SYNJ2: variants seen among roughly 807,000 people sequenced by gnomAD.
SYNJ2 encodes polyphosphatidylinositol phosphatase SYNJ2.
In SYNJ2, 116 loss-of-function variants were observed where a neutral mutation model predicts 141.3. That is an observed-to-expected ratio of 0.82 (90% CI 0.71 to 0.96). The LOEUF is 0.96. Ranked by LOEUF, SYNJ2 falls within the 40% of genes least tolerant of loss-of-function variation. The pLI is 0.00. For missense variants in SYNJ2, 1,873 were observed against 1,934.8 expected (o/e 0.97, Z 0.60); for synonymous variants, 745 against 777.7 (o/e 0.96, Z 0.70).
chr6:158,095,486 T>A, intron 26 of SYNJ2, 132 bp from the exon 27 acceptor site: 1 of 1,227,572 alleles, frequency 8.1e-7, no homozygotes, highest in South Asian at 1.7e-5. Context: ...ACCCCACACA[T>A]TCTCAAATCT....
chr6:158,014,539 C>T (rs570963833), intron 1 of SYNJ2, among the ~76,000 whole-genome samples: 5 of 152,332 alleles, frequency 3.3e-5, no homozygotes, highest in South Asian at 4.1e-4. Context: ...GGTGTATTTT[C>T]AAGTTGTTGG....
chr6:158,030,342 C>T lies in SYNJ2; in HGVS notation c.485+1316C>T, dbSNP rs577387632. ...TGCCTTTTGAAGCTATATCAGTTTT[C>T]CCAGCTCTGAGACGGGACTCGTGAG... On this transcript the variant is annotated intron_variant, in intron 3 of 26. Transcript: ENST00000355585. 14 of 152,750 alleles carry T rather than the reference C, an allele frequency of 9.2e-5. No homozygotes were observed. The South Asian group carries it at 2.7e-3, about 29-fold the overall frequency. 9.5% of individuals were successfully genotyped at this position (152,750 alleles called of 1,614,324 possible).
chr6:158,080,943 C>T (rs919970946), intron 18 of SYNJ2, among the ~76,000 whole-genome samples, 166 bp from the exon 19 acceptor site: 11 of 152,220 alleles, frequency 7.2e-5, no homozygotes, highest in African/African-American at 1.9e-4. Context: ...TGGCCACATT[C>T]GCAGGTTGTT....
intron 11 of SYNJ2, 35 bp downstream of exon 11, chr6:158,065,026 G>A: frequency 1.3e-6 from 2 of 1,492,796 alleles, no homozygotes; most frequent in Non-Finnish European, 1.8e-6. Flanking sequence ...AGGCAGGGAG[G>A]TAGGGTGCTC....
rs554242445 is a variant in SYNJ2 at position 158,040,007 on chromosome 6, C to T, written c.712-3309C>T. ...GGACCGGACCAGGAGCAGACTGGCT[C>T]CCTGTGGTGGGGACTCTTGGCAGGC... On this transcript the variant is annotated intron_variant, in intron 4 of 26. Coordinates refer to ENST00000355585, the MANE Select transcript of SYNJ2 (RefSeq NM_003898.4). The surrounding 1 kb of genome is among the most constrained non-coding windows in gnomAD (Gnocchi z 4.2). Among the ~76,000 whole-genome samples, 78 of 152,284 alleles carry T rather than the reference C, an allele frequency of 5.1e-4. No individual in the cohort carries two copies. The highest frequency in any genetic ancestry group is 1.8e-3 in the African/African-American group (76 of 41,556).
At position 158,039,907 on chromosome 6, in the gene SYNJ2, C is replaced by G. The variant is rs534252428; in HGVS notation, c.712-3409C>G. On this transcript the variant is annotated intron_variant, in intron 4 of 26. Coordinates refer to ENST00000355585, the MANE Select transcript of SYNJ2 (RefSeq NM_003898.4). ...TGCAGAGGAAACAGGATCCACCAGC[C>G]AGGCCCGCTGACCATTTGGAAGTGG... Among the ~76,000 whole-genome samples the G allele has an allele frequency of 8.5e-5, 13 of 152,336 alleles. No homozygotes were observed. In the South Asian group the frequency reaches 1.0e-3, roughly 12 times the overall value.
At chr6:157,981,797 G>A (rs549107154), upstream of SYNJ2, 3 of 551,524 alleles carry the variant, frequency 5.4e-6, no homozygotes, top group Non-Finnish European at 8.0e-6. The surrounding 1 kb of genome is among the most constrained non-coding windows in gnomAD (Gnocchi z 6.4). Flanking sequence ...AGGCGCGAGT[G>A]GGGAGGAGGA....
In SYNJ2 at chr6:158,087,771, T is replaced by G. The variant is rs186882170; in HGVS notation, c.3343+782T>G. Among the ~76,000 whole-genome samples the G allele has an allele frequency of 1.6e-3, 245 of 151,814 alleles. 1 individual carries two copies. Among genetic ancestry groups the G allele is most frequent in the African/African-American group, 5.7e-3 (235 of 41,424 alleles). On this transcript the variant is annotated intron_variant, in intron 23 of 26. Coordinates refer to ENST00000355585, the MANE Select transcript of SYNJ2 (RefSeq NM_003898.4). ...TTATTGTGGAAATTTTAGAGATAAC[T>G]ACAAAGAAGAACAAAATTTTAAAAT...
rs778480743 is a variant in SYNJ2, at chr6:158,028,992, G to T, written c.451G>T (p.Asp151Tyr). The T allele has an allele frequency of 6.9e-6, 11 of 1,598,510 alleles. No individual in the cohort carries two copies. Among genetic ancestry groups the T allele is most frequent in the South Asian group, 2.2e-5 (2 of 90,464 alleles). Residue 151 changes from aspartate (D) to tyrosine (Y), a missense_variant, in exon 3 of 27, where the codon GAT (aspartate) becomes TAT (tyrosine). Coordinates refer to ENST00000355585, the MANE Select transcript of SYNJ2 (RefSeq NM_003898.4). Reference sequence around the variant, plus strand: ...GACTGTCCGCACGCAGAAGCAGGGGGATGACAGCTCTGAATGGGGGAACTC... The same window carrying T: ...GACTGTCCGCACGCAGAAGCAGGGGTATGACAGCTCTGAATGGGGGAACTC... ...DLTVRTQKQG[D>Y]DSSEWGNSFF...
In SYNJ2 at chr6:158,017,268, G is replaced by T. The variant is rs149568698; in HGVS notation, c.192G>T (p.Leu64=). ...AGCTCACGGACGCGTACGGCTGCCT[G>T]GGGGAGCTGAGGCTGAAATCTGGTG... ...YGKLTDAYGC[L]GELRLKSGGT... Residue 64 remains leucine (L), a synonymous_variant, in exon 2 of 27, where the codon CTG becomes CTT. Transcript: ENST00000355585. 125 of 1,613,436 alleles carry T rather than the reference G, an allele frequency of 7.7e-5. No individual in the cohort carries two copies. Among genetic ancestry groups the T allele is most frequent in the Non-Finnish European group, 1.0e-4 (118 of 1,179,862 alleles).
rs992996154 is a variant in SYNJ2, at chr6:158,078,228, T to C, written c.2514T>C (p.Ser838=). The change falls in exon 18 of 27, where the codon TCT becomes TCC. Residue 838 remains serine (S), a synonymous_variant. Transcript: ENST00000355585. ...ACACCAAAGTCAGACACACCTGGTC[T>C]CCTGGTGCCCTGCAGTATTATGGTC... The part of the protein sequence containing the change: ...DVDTKVRHTW[S]PGALQYYGRA... 6.2e-7 allele frequency: 1 copy of C among 1,614,004 alleles called. No individual in the cohort carries two copies. The highest frequency in any genetic ancestry group is 8.5e-7 in the Non-Finnish European group (1 of 1,179,964).
At chr6:157,989,427 AATATATATATATATATATATATATATAT>A (rs34948131) in intron 1 of SYNJ2, among the ~76,000 whole-genome samples, 24 of 96,300 alleles carry the variant, frequency 2.5e-4, no homozygotes, top group South Asian at 4.3e-4. Context: ...TAAAAAAATG[AATATATATATATATATATATATATATAT>A]ATATATATAT....
chr6:158,084,083 C>A lies in SYNJ2; in HGVS notation c.3117C>A (p.Asp1039Glu), dbSNP rs139653672. The change falls in exon 22 of 27, where the codon GAC (aspartate) becomes GAA (glutamate). Residue 1039 changes from aspartate to glutamate, a missense_variant. Asp to Glu is a conservative substitution (Grantham distance 45). Coordinates refer to ENST00000355585, the MANE Select transcript of SYNJ2 (RefSeq NM_003898.4). The surrounding 1 kb of genome is among the most constrained non-coding windows in gnomAD (Gnocchi z 5.0). Reference sequence around the variant, plus strand: ...TCTCGGACAGTGAACTCGGGGGAGACGACCTCTCTGATGTCCCCGGCCCCA... The same window carrying A: ...TCTCGGACAGTGAACTCGGGGGAGAAGACCTCTCTGATGTCCCCGGCCCCA... ...PGVSDSELGG[D>E]DLSDVPGPTA... 6.2e-7 allele frequency: 1 copy of A among 1,614,150 alleles called. No individual in the cohort carries two copies. The highest frequency in any genetic ancestry group is 2.2e-5 in the East Asian group (1 of 44,880).
At chr6:158,089,397 G>T (rs1414435317) in intron 24 of SYNJ2, among the ~76,000 whole-genome samples, 1 of 152,140 alleles carries the variant, frequency 6.6e-6, no homozygotes, top group African/African-American at 2.4e-5. Flanking sequence ...CCAGCAGGTG[G>T]AGGGGTGACT....
At chr6:158,091,751 T>TTA (rs1021845412) in intron 25 of SYNJ2, among the ~76,000 whole-genome samples, 1,093 of 101,002 alleles carry the variant, frequency 0.011, 15 homozygotes, top group African/African-American at 0.039. Context: ...CTCTGTCTCA[T>TTA]AAAAAAAAAA....
intron 4 of SYNJ2, among the ~76,000 whole-genome samples, chr6:158,038,105 C>G (rs1196976538): frequency 6.6e-6 from 1 of 152,234 alleles, no homozygotes; most frequent in Admixed American, 6.5e-5. Flanking sequence ...GAGATATGAA[C>G]AGCCTGCCCT....
At chr6:158,010,514 G>T (rs1415072822) in intron 1 of SYNJ2, among the ~76,000 whole-genome samples, 12 of 152,186 alleles carry the variant, frequency 7.9e-5, no homozygotes, top group Non-Finnish European at 1.8e-4. Flanking sequence ...AGGAAGAGAG[G>T]AAGCTTACTG....
At chr6:158,033,796 C>G in intron 4 of SYNJ2, 116 bp downstream of exon 4, 1 of 1,048,506 alleles carries the variant, frequency 9.5e-7, no homozygotes, top group Non-Finnish European at 1.4e-6. Flanking sequence ...GGTCTCTGAT[C>G]AGGCTTCCTC....
Position 158,093,034 on chromosome 6 carries a change from C to G in SYNJ2, c.3674C>G (p.Pro1225Arg), listed in dbSNP as rs147690185. The change falls in exon 26 of 27, where the codon CCA (proline) becomes CGA (arginine). Residue 1225 changes from proline (P) to arginine (R), a missense_variant. By Grantham distance (103) the Pro-to-Arg change is moderately radical. Transcript: ENST00000355585. ...AAKPETPQAP[P>R]LLPRRPPPRV... The stretch of plus-strand genomic sequence containing the variant: ...AAACCAGAGACCCCACAGGCGCCCC[C>G]ACTCCTTCCCCGTCGGCCCCCACCC... The G allele has an allele frequency of 1.2e-6, 2 of 1,611,566 alleles. No individual in the cohort carries two copies. The highest frequency in any genetic ancestry group is 1.3e-5 in the African/African-American group (1 of 74,566).
Sources: gnomAD v4.1 joint callset for allele counts (sites outside exome capture counted in the v4.1 genomes callset) on GRCh38, gnomAD v4.1.1 for gene constraint, Gnocchi (gnomAD v3.1) non-coding constraint, MANE v1.5 for transcripts, NCBI Gene and HGNC (gene_info 2026-07-23, HGNC 2026-07-21) for gene names.